Variants in ATRNL1 observed in about 807,000 individuals in gnomAD.
ATRNL1 encodes the protein attractin-like protein 1.
ATRNL1 carries 95 observed loss-of-function variants against 182.7 expected under a neutral mutation model. The ratio of observed to expected loss-of-function variants is 0.52; its 90% confidence interval spans 0.44 to 0.62. The LOEUF is 0.62. ATRNL1 is among the 20% of genes least tolerant of loss of function. The probability of loss-of-function intolerance (pLI) is 0.00; values close to 1 mark genes in which losing one functional copy is unlikely to be tolerated. For synonymous variants in ATRNL1, 576 were observed against 568.3 expected, an observed-to-expected ratio of 1.01 and a Z score of -0.19; for missense variants, 1,471 against 1,679.5, an observed-to-expected ratio of 0.88 and a Z score of 2.17.
chr10:115,872,223 A>T (rs782108450), intron 28 of ATRNL1, among the ~76,000 whole-genome samples: 1 of 152,190 alleles, frequency 6.6e-6, no homozygotes, highest in Admixed American at 6.5e-5. Flanking sequence ...TAGCCTTTCT[A>T]TGTCATTTCT....
chr10:115,461,584 G>A lies in ATRNL1; in HGVS notation c.3323-357G>A, dbSNP rs185097731. 2.1e-3 allele frequency among the ~76,000 whole-genome samples: 312 copies of A among 151,890 alleles called. 1 individual carries two copies. Among genetic ancestry groups the A allele is most frequent in the African/African-American group, 7.2e-3 (297 of 41,466 alleles). On this transcript the variant is annotated intron_variant, in intron 21 of 28. Coordinates refer to ENST00000355044, the MANE Select transcript of ATRNL1 (RefSeq NM_207303.4). ...TCTTTACAGCTACAGAATTCTAACT[G>A]GAATAAAATGCACCAAAATGTTAAC...
At chr10:115,474,372 GCA>G (rs1217783535) in intron 24 of ATRNL1, among the ~76,000 whole-genome samples, 2 of 151,316 alleles carry the variant, frequency 1.3e-5, no homozygotes, top group East Asian at 3.9e-4. Context: ...ATCTTCTTCT[GCA>G]ATTTTCTTTT....
At chr10:115,932,300 G>A (rs1417427297) in intron 28 of ATRNL1, among the ~76,000 whole-genome samples, 1 of 152,204 alleles carries the variant, frequency 6.6e-6, no homozygotes, top group African/African-American at 2.4e-5. Context: ...GGATCACTTA[G>A]CAAACATCAG....
At chr10:115,154,614 T>C (rs188817356) in intron 5 of ATRNL1, among the ~76,000 whole-genome samples, 2 of 152,120 alleles carry the variant, frequency 1.3e-5, no homozygotes, top group Non-Finnish European at 2.9e-5. Flanking sequence ...TCCTAACATA[T>C]AGTCTATCCT....
chr10:115,161,264 C>A (rs535473043), intron 6 of ATRNL1, among the ~76,000 whole-genome samples: 143 of 151,700 alleles, frequency 9.4e-4, no homozygotes, highest in Non-Finnish European at 1.8e-3. Flanking sequence ...ATTAGAAAAT[C>A]GAATAAATTC....
chr10:115,479,604 CAT>C (rs1848673548), intron 24 of ATRNL1, among the ~76,000 whole-genome samples: 2 of 151,266 alleles, frequency 1.3e-5, no homozygotes, highest in South Asian at 4.1e-4. Context: ...GACTGTGAGA[CAT>C]ATAGCAGTGT....
At chr10:115,220,608 G>A (rs2144439788) in intron 9 of ATRNL1, 1 of 151,824 alleles carries the variant, frequency 6.6e-6, no homozygotes, top group East Asian at 1.9e-4. Context: ...GCTCTCCAGT[G>A]ATGTTTGTTT....
At chr10:115,259,778 A>G (rs1554908273) in intron 10 of ATRNL1, among the ~76,000 whole-genome samples, 1 of 151,954 alleles carries the variant, frequency 6.6e-6, no homozygotes, top group Non-Finnish European at 1.5e-5. Context: ...TTTTGTCATT[A>G]TTTAGGGACC....
At chr10:115,350,681 T>A (rs1856206830) in intron 19 of ATRNL1, among the ~76,000 whole-genome samples, 1 of 152,198 alleles carries the variant, frequency 6.6e-6, no homozygotes, top group African/African-American at 2.4e-5. Context: ...CTGTATACCA[T>A]AATTCGAAGT....
chr10:115,726,706 A>G (rs1947607509), intron 26 of ATRNL1, among the ~76,000 whole-genome samples: 3 of 152,212 alleles, frequency 2.0e-5, no homozygotes, highest in African/African-American at 7.2e-5. Flanking sequence ...AATTATAAAC[A>G]CTGCCAATAA....
At chr10:115,257,850 T>G (rs1554907480) in intron 10 of ATRNL1, among the ~76,000 whole-genome samples, 2 of 152,222 alleles carry the variant, frequency 1.3e-5, no homozygotes, top group African/African-American at 4.8e-5. Flanking sequence ...AGGATTTTAT[T>G]TCTCCTTCAC....
chr10:115,098,704 G>A (rs2085084122), intron 1 of ATRNL1, among the ~76,000 whole-genome samples: 3 of 151,710 alleles, frequency 2.0e-5, no homozygotes, highest in Admixed American at 1.3e-4. Flanking sequence ...TGATCCACCC[G>A]CCTCGGCCTC....
chr10:115,202,478 T>G (rs2144315062), intron 8 of ATRNL1, among the ~76,000 whole-genome samples: 1 of 152,336 alleles, frequency 6.6e-6, no homozygotes, highest in African/African-American at 2.4e-5. Context: ...TTTCTGCATC[T>G]ATTGAGATAA....
At chr10:115,369,301 T>C (rs115389352) in intron 19 of ATRNL1, among the ~76,000 whole-genome samples, 1,751 of 91,978 alleles carry the variant, frequency 0.019, 34 homozygotes, top group African/African-American at 0.07. Context: ...ATTGGGGTTC[T>C]GTGAGGGGGA....
At chr10:115,574,950 A>G (rs1555004682) in intron 26 of ATRNL1, among the ~76,000 whole-genome samples, 1 of 152,206 alleles carries the variant, frequency 6.6e-6, no homozygotes, top group Non-Finnish European at 1.5e-5. Flanking sequence ...ATATTTCAAA[A>G]CAGGTTATTG....
chr10:115,559,471 A>C (rs1554998625), intron 26 of ATRNL1, among the ~76,000 whole-genome samples: 1 of 147,574 alleles, frequency 6.8e-6, no homozygotes, highest in Admixed American at 6.7e-5. Flanking sequence ...CACATGCGCA[A>C]CCCTTCTTAC....
At chr10:115,214,077 A>T in intron 8 of ATRNL1, among the ~76,000 whole-genome samples, 1 of 110,600 alleles carries the variant, frequency 9.0e-6, no homozygotes. Context: ...CATATATATA[A>T]ACATATCTAT....
intron 26 of ATRNL1, among the ~76,000 whole-genome samples, chr10:115,577,776 A>G (rs545055690): frequency 2.0e-4 from 30 of 151,680 alleles, no homozygotes; most frequent in South Asian, 4.2e-4. Context: ...TGCTAGTACT[A>G]TCAGTACTAT....
intron 28 of ATRNL1, among the ~76,000 whole-genome samples, chr10:115,868,631 A>G (rs1951495188): frequency 2.6e-5 from 4 of 152,100 alleles, no homozygotes; most frequent in African/African-American, 9.7e-5. Context: ...GAAGGCATGC[A>G]GTTCGCCCAG....
Sources: allele counts gnomAD v4.1 joint callset (sites outside exome capture counted in the v4.1 genomes callset), GRCh38; gene constraint gnomAD v4.1.1; transcripts MANE v1.5; gene names NCBI Gene and HGNC (gene_info 2026-07-23, HGNC 2026-07-21).